CELF4: variants seen among roughly 807,000 people sequenced by gnomAD.
CELF4 encodes the protein CUG-BP- and ETR-3-like factor 4.
Under a neutral mutation model 59.9 loss-of-function variants are expected in CELF4, and 18 were observed. The observed-to-expected ratio is 0.30, with a 90% CI of 0.21 to 0.45. The LOEUF (loss-of-function observed/expected upper bound fraction) is 0.45. Ranked by LOEUF, CELF4 falls within the 20% of genes least tolerant of loss-of-function variation. The probability of loss-of-function intolerance (pLI) is 1.00; values close to 1 mark genes in which losing one functional copy is unlikely to be tolerated. For missense variants in CELF4, 456 were observed against 689.0 expected, an observed-to-expected ratio of 0.66 and a Z score of 3.79; for synonymous variants, 261 against 267.1, an observed-to-expected ratio of 0.98 and a Z score of 0.22.
chr18:37,504,913 G>A (rs2099936013), intron 1 of CELF4, among the ~76,000 whole-genome samples: 1 of 152,228 alleles, frequency 6.6e-6, no homozygotes, highest in Non-Finnish European at 1.5e-5. Context: ...AAGGGCCTGA[G>A]CCACAAACAA....
chr18:37,273,802 G>A lies in CELF4; in HGVS notation c.801+509C>T, dbSNP rs567410816. 106 of 989,576 alleles carry A rather than the reference G, an allele frequency of 1.1e-4. No individual in the cohort carries two copies. The South Asian group carries it at 4.4e-3, about 41-fold the overall frequency. The allele number at this position is 989,576 out of a possible 1,614,324, so 61.3% of individuals were successfully genotyped here. On this transcript the variant is annotated intron_variant, in intron 6 of 12. Transcript: ENST00000420428. Reference sequence around the variant, plus strand: ...GGCAGCTCCGGGAGAGGCTGACAGAGTGGGCCCCCATGTGGAAGAAAGAAG... The same window carrying A: ...GGCAGCTCCGGGAGAGGCTGACAGAATGGGCCCCCATGTGGAAGAAAGAAG...
chr18:37,274,614 G>A, intron 5 of CELF4, 160 bp from the exon 6 acceptor site: 1 of 1,520,062 alleles, frequency 6.6e-7, no homozygotes, highest in Non-Finnish European at 8.8e-7. Flanking sequence ...CCCACCGCGG[G>A]CATTTTCCAC....
intron 3 of CELF4, among the ~76,000 whole-genome samples, chr18:37,278,202 C>T (rs370397329): frequency 6.6e-6 from 1 of 152,130 alleles, no homozygotes; most frequent in Non-Finnish European, 1.5e-5. Context: ...TATAAGCTGC[C>T]AGGCTCCCCC....
intron 1 of CELF4, among the ~76,000 whole-genome samples, chr18:37,559,997 A>G (rs568536432): frequency 6.2e-4 from 94 of 152,366 alleles, no homozygotes; most frequent in African/African-American, 2.2e-3. Flanking sequence ...ATTTCATTCA[A>G]GAAAAGATTT....
chr18:37,329,124 T>G (rs1406209748), intron 2 of CELF4, among the ~76,000 whole-genome samples: 2 of 152,222 alleles, frequency 1.3e-5, no homozygotes, highest in Non-Finnish European at 2.9e-5. Flanking sequence ...TTACCTCCTA[T>G]GCAGAGTCAT....
intron 2 of CELF4, among the ~76,000 whole-genome samples, chr18:37,459,176 C>T (rs2099786880): frequency 6.6e-6 from 1 of 152,168 alleles, no homozygotes; most frequent in South Asian, 2.1e-4. Context: ...GGGGCCATAC[C>T]ACAGGGTTTT....
At chr18:37,280,065 C>T (rs1046055105) in intron 3 of CELF4, among the ~76,000 whole-genome samples, 1 of 152,172 alleles carries the variant, frequency 6.6e-6, no homozygotes, top group Non-Finnish European at 1.5e-5. Context: ...TCATCCCAGC[C>T]CCGCTTGGAC....
Position 37,386,908 on chromosome 18 carries a change from G to A in CELF4, c.370-65027C>T, listed in dbSNP as rs370561625. Among the ~76,000 whole-genome samples the A allele has an allele frequency of 3.9e-3, 592 of 152,296 alleles. 3 individuals carry two copies. The highest frequency in any genetic ancestry group is 7.5e-3 in the Non-Finnish European group (510 of 68,034). ...AAAAAGGTGTTATTGTCTTCTGTAG[G>A]ACAAGTTTGTACTCTCTCTCAGTGA... On this transcript the variant is annotated intron_variant, in intron 2 of 12. Transcript: ENST00000420428.
At chr18:37,306,835 CCA>C (rs1434924097) in intron 3 of CELF4, among the ~76,000 whole-genome samples, 1 of 152,034 alleles carries the variant, frequency 6.6e-6, no homozygotes, top group Non-Finnish European at 1.5e-5. Context: ...CCCTCTGTCC[CCA>C]ACACGGCTCT....
chr18:37,334,877 A>G (rs1178693363), intron 2 of CELF4, among the ~76,000 whole-genome samples: 1 of 152,080 alleles, frequency 6.6e-6, no homozygotes, highest in Non-Finnish European at 1.5e-5. Flanking sequence ...CTTAATCCCT[A>G]CGCCACAGCC....
chr18:37,333,876 T>C (rs1276653518), intron 2 of CELF4, among the ~76,000 whole-genome samples: 1 of 152,032 alleles, frequency 6.6e-6, no homozygotes, highest in Non-Finnish European at 1.5e-5. Flanking sequence ...TCTATAGAAT[T>C]GGATGGCACA....
intron 2 of CELF4, among the ~76,000 whole-genome samples, chr18:37,451,755 C>T (rs546790203): frequency 3.9e-5 from 6 of 152,158 alleles, no homozygotes; most frequent in Admixed American, 1.3e-4. Flanking sequence ...CAGCGCTGAG[C>T]GGCCCAAGAA....
At chr18:37,423,211 T>C (rs1407878064) in intron 2 of CELF4, among the ~76,000 whole-genome samples, 1 of 152,052 alleles carries the variant, frequency 6.6e-6, no homozygotes, top group African/African-American at 2.4e-5. Flanking sequence ...TCCAGGAAGA[T>C]GGGTTGAGGA....
At chr18:37,255,584 C>A (rs182767901) in intron 11 of CELF4, among the ~76,000 whole-genome samples, 1 of 151,434 alleles carries the variant, frequency 6.6e-6, no homozygotes, top group Non-Finnish European at 1.5e-5. Flanking sequence ...CCTCCTGGCC[C>A]GTCCCCACCT....
chr18:37,514,871 A>T (rs905443825), intron 1 of CELF4, among the ~76,000 whole-genome samples: 4 of 152,154 alleles, frequency 2.6e-5, no homozygotes, highest in East Asian at 1.9e-4. Flanking sequence ...GGTGGAAATT[A>T]AAAAAAGGAT....
At chr18:37,294,193 T>A (rs969119233) in intron 3 of CELF4, among the ~76,000 whole-genome samples, 2 of 152,128 alleles carry the variant, frequency 1.3e-5, no homozygotes, top group African/African-American at 4.8e-5. Context: ...GCTGGGGAGA[T>A]GTCTTTGGAT....
At chr18:37,332,744 G>A (rs1291108501) in intron 2 of CELF4, among the ~76,000 whole-genome samples, 1 of 152,214 alleles carries the variant, frequency 6.6e-6, no homozygotes, top group Non-Finnish European at 1.5e-5. Flanking sequence ...GCGCGTGGCA[G>A]GTAAGGTGGA....
At chr18:37,259,089 G>T in intron 11 of CELF4, 92 bp downstream of exon 11, 1 of 1,595,394 alleles carries the variant, frequency 6.3e-7, no homozygotes. Flanking sequence ...CCTGTCCTAG[G>T]TGAAGCTAAT....
intron 1 of CELF4, among the ~76,000 whole-genome samples, chr18:37,555,195 C>G (rs932393763): frequency 6.6e-6 from 1 of 152,172 alleles, no homozygotes. Context: ...CTTCACACAG[C>G]GGGGGCAAGC....
Sources: gnomAD v4.1 joint callset for allele counts (sites outside exome capture counted in the v4.1 genomes callset) on GRCh38, gnomAD v4.1.1 for gene constraint, MANE v1.5 for transcripts, NCBI Gene and HGNC (gene_info 2026-07-23, HGNC 2026-07-21) for gene names.